The following TRAF3 variants were observed in gnomAD, a reference collection of about 807,000 sequenced individuals.
The protein encoded by TRAF3 is TNF receptor-associated factor 3.
TRAF3 carries 13 observed loss-of-function variants against 62.3 expected under a neutral mutation model. That is an observed-to-expected ratio of 0.21 (90% CI 0.14 to 0.33). The LOEUF (loss-of-function observed/expected upper bound fraction) is 0.33. Among genes scored for constraint, TRAF3 ranks in the 10% least tolerant of loss-of-function variants. The pLI, the probability that TRAF3 is intolerant of heterozygous loss-of-function variation, is 1.00. For synonymous variants in TRAF3, 269 were observed against 283.4 expected, an observed-to-expected ratio of 0.95 and a Z score of 0.51; for missense variants, 440 against 741.8, an observed-to-expected ratio of 0.59 and a Z score of 4.73.
chr14:102,882,437 CT>C, intron 6 of TRAF3, among the ~76,000 whole-genome samples: 1 of 152,296 alleles, frequency 6.6e-6, no homozygotes, highest in South Asian at 2.1e-4. Flanking sequence ...GCATCTGCCC[CT>C]GCCTCTCAGC....
intron 6 of TRAF3, among the ~76,000 whole-genome samples, chr14:102,880,757 A>T (rs1212226701): frequency 1.3e-5 from 2 of 152,248 alleles, no homozygotes; most frequent in African/African-American, 4.8e-5. Flanking sequence ...GTACATCTAT[A>T]CCATGGAATA....
chr14:102,797,642 T>A (rs2139441927), intron 1 of TRAF3, among the ~76,000 whole-genome samples: 1 of 152,300 alleles, frequency 6.6e-6, no homozygotes, highest in East Asian at 1.9e-4. Context: ...CATATGGAGA[T>A]TATAGTTGCT....
chr14:102,811,913 C>CTTTTTTTTTTT (rs71119743), intron 1 of TRAF3, among the ~76,000 whole-genome samples: 513 of 47,086 alleles, frequency 0.011, 155 homozygotes, highest in East Asian at 0.02. Context: ...ATGCCTGGCC[C>CTTTTTTTTTTT]TTTTTTTTTT....
At chr14:102,896,835 A>G (rs530009001) in intron 9 of TRAF3, among the ~76,000 whole-genome samples, 5 of 152,322 alleles carry the variant, frequency 3.3e-5, no homozygotes, top group African/African-American at 1.2e-4. Context: ...AGGCTGAGGT[A>G]GTAGGATCAC....
chr14:102,815,252 A>G (rs1899444725), intron 1 of TRAF3, among the ~76,000 whole-genome samples: 1 of 152,188 alleles, frequency 6.6e-6, no homozygotes, highest in South Asian at 2.1e-4. Context: ...AGTCATTTCT[A>G]AGAAACCATT....
chr14:102,896,714 C>T (rs1890026505), intron 9 of TRAF3, among the ~76,000 whole-genome samples: 1 of 152,148 alleles, frequency 6.6e-6, no homozygotes, highest in South Asian at 2.1e-4. Flanking sequence ...CTGCACTTTG[C>T]CTCACCCTAA....
rs754798777 is a variant in TRAF3, at chr14:102,905,457, G to A, written c.1380G>A (p.Leu460=). Residue 460 remains leucine, a synonymous_variant, in exon 12 of 12, where the codon CTG becomes CTA. Coordinates refer to ENST00000392745, the MANE Select transcript of TRAF3 (RefSeq NM_145725.3). ...FGYKMCARVY[L]NGDGMGKGTH... is the part of the protein sequence containing the mutation. The stretch of plus-strand genomic sequence containing the variant: ...ATAAGATGTGTGCCAGGGTCTACCT[G>A]AACGGGGACGGGATGGGGAAGGGGA... The A allele has an allele frequency of 3.7e-6, 6 of 1,614,228 alleles. No homozygotes were observed. The South Asian group carries it at 6.6e-5, about 18-fold the overall frequency.
intron 2 of TRAF3, among the ~76,000 whole-genome samples, chr14:102,843,161 C>T (rs1886480873): frequency 6.6e-6 from 1 of 151,168 alleles, no homozygotes; most frequent in Non-Finnish European, 1.5e-5. Flanking sequence ...CGAGATCGTG[C>T]CACTGCACTC....
Position 102,830,420 on chromosome 14 carries a change from C to CTCCTGGA in TRAF3, c.-64_-63insATCCTGG, listed in dbSNP as rs1900606310. Reference sequence around the variant, plus strand: ...ATCAGACCTAGGATCAGAAACCTGGCTCCTGGCTCCTGGCTCCCTACTCTT... The same window carrying CTCCTGGA: ...ATCAGACCTAGGATCAGAAACCTGGCTCCTGGATCCTGGCTCCTGGCTCCCTACTCTT... On this transcript the variant is annotated 5_prime_UTR_variant, in exon 2 of 12. Coordinates refer to ENST00000392745, the MANE Select transcript of TRAF3 (RefSeq NM_145725.3). 6.6e-6 allele frequency: 1 copy of CTCCTGGA among 152,160 alleles called. No homozygotes were observed. The highest frequency in any genetic ancestry group is 2.1e-4 in the South Asian group (1 of 4,826). 9.4% of individuals were successfully genotyped at this position (152,160 alleles called of 1,614,324 possible).
At chr14:102,828,751 CTTAT>C (rs988679380) in intron 1 of TRAF3, among the ~76,000 whole-genome samples, 4 of 152,036 alleles carry the variant, frequency 2.6e-5, no homozygotes, top group African/African-American at 9.7e-5. Flanking sequence ...GAAGACTTAT[CTTAT>C]TTAGTCTTGA....
Position 102,903,231 on chromosome 14 carries a change from T to C in TRAF3, c.961-24T>C, listed in dbSNP as rs781781749. The C allele has an allele frequency of 1.9e-6, 3 of 1,614,178 alleles. No homozygotes were observed. In the South Asian group the frequency reaches 3.3e-5, roughly 18 times the overall value. ...TTTCCGAGTCCTAACTGTGTTTTGCTTTTTAACACCTTTGGTTTGGAAGCG... is the reference window on the plus strand; with the variant it reads ...TTTCCGAGTCCTAACTGTGTTTTGCCTTTTAACACCTTTGGTTTGGAAGCG... On this transcript the variant is annotated intron_variant, in intron 10 of 11. Coordinates refer to ENST00000392745, the MANE Select transcript of TRAF3 (RefSeq NM_145725.3). The surrounding 1 kb of genome is among the most constrained non-coding windows in gnomAD (Gnocchi z 6.4).
rs772096760 is a variant in TRAF3 at position 102,870,468 on chromosome 14, G to A, written c.245+22G>A. Reference sequence around the variant, plus strand: ...TGAGGTAGGCGCCCTCGCCCGGCCCGTCGCCCGGCCCCTTCTCAGCCCTCG... The same window carrying A: ...TGAGGTAGGCGCCCTCGCCCGGCCCATCGCCCGGCCCCTTCTCAGCCCTCG... On this transcript the variant is annotated intron_variant, in intron 3 of 11. Transcript: ENST00000392745. The A allele has an allele frequency of 2.6e-5, 42 of 1,610,064 alleles. No homozygotes were observed. The East Asian group carries it at 3.1e-4, about 12-fold the overall frequency.
At chr14:102,817,507 T>C (rs1295452293) in intron 1 of TRAF3, among the ~76,000 whole-genome samples, 4 of 151,662 alleles carry the variant, frequency 2.6e-5, no homozygotes, top group African/African-American at 9.7e-5. Context: ...AGTGCCAGAG[T>C]AGAGGGTGGA....
At position 102,820,057 on chromosome 14, in the gene TRAF3, G is replaced by A. The variant is rs537970494; in HGVS notation, c.-156-10277G>A. 2.6e-5 allele frequency among the ~76,000 whole-genome samples: 4 copies of A among 151,796 alleles called. No individual in the cohort carries two copies. In the East Asian group the frequency reaches 5.8e-4, roughly 22 times the overall value. ...TAGGGGGTGGGTGGTCACCACATGC[G>A]GGTGGTGAGCCCATGCTGGGAGGGC... On this transcript the variant is annotated intron_variant, in intron 1 of 11. Coordinates refer to ENST00000392745, the MANE Select transcript of TRAF3 (RefSeq NM_145725.3).
intron 6 of TRAF3, among the ~76,000 whole-genome samples, chr14:102,880,252 G>A (rs987557972): frequency 1.3e-5 from 2 of 152,200 alleles, no homozygotes; most frequent in African/African-American, 4.8e-5. Flanking sequence ...GCCAAAGCAG[G>A]AGGATTGCTT....
At chr14:102,853,832 C>T (rs1468033060) in intron 2 of TRAF3, among the ~76,000 whole-genome samples, 2 of 127,826 alleles carry the variant, frequency 1.6e-5, no homozygotes, top group African/African-American at 8.2e-5. Context: ...AGGCAAGACT[C>T]CGTCTAAAAA....
chr14:102,820,598 A>G (rs1197682237), intron 1 of TRAF3, among the ~76,000 whole-genome samples: 3 of 13,268 alleles, frequency 2.3e-4, no homozygotes, highest in Non-Finnish European at 3.3e-4. Flanking sequence ...ATATATATAT[A>G]TATATATATA....
chr14:102,824,657 T>A (rs1276907408), intron 1 of TRAF3, among the ~76,000 whole-genome samples: 2 of 152,248 alleles, frequency 1.3e-5, no homozygotes, highest in African/African-American at 4.8e-5. Context: ...CCTATTGGGA[T>A]GTTTCCATAG....
chr14:102,880,598 C>T (rs1888993607), intron 6 of TRAF3, among the ~76,000 whole-genome samples: 1 of 152,182 alleles, frequency 6.6e-6, no homozygotes, highest in South Asian at 2.1e-4. Context: ...CCAAGCAGTC[C>T]TATTACTGGG....
Sources: gnomAD v4.1 joint callset for allele counts (sites outside exome capture counted in the v4.1 genomes callset) on GRCh38, gnomAD v4.1.1 for gene constraint, Gnocchi (gnomAD v3.1) non-coding constraint, MANE v1.5 for transcripts, NCBI Gene and HGNC (gene_info 2026-07-23, HGNC 2026-07-21) for gene names.